The following TRAF3 variants were observed in gnomAD, a reference collection of about 807,000 sequenced individuals.
TRAF3 encodes TNF receptor associated factor 3, also known as TNF receptor-associated factor 3.
In TRAF3, 13 loss-of-function variants were observed where a neutral mutation model predicts 62.3. The ratio of observed to expected loss-of-function variants is 0.21; its 90% confidence interval spans 0.14 to 0.33. The LOEUF is 0.33. Ranked by LOEUF, TRAF3 falls within the 10% of genes least tolerant of loss-of-function variation. The probability of loss-of-function intolerance (pLI) is 1.00; values close to 1 mark genes in which losing one functional copy is unlikely to be tolerated. For synonymous variants in TRAF3, 269 were observed against 283.4 expected, an observed-to-expected ratio of 0.95 and a Z score of 0.51; for missense variants, 440 against 741.8, an observed-to-expected ratio of 0.59 and a Z score of 4.73.
chr14:102,868,064 G>A (rs567736956), intron 2 of TRAF3, among the ~76,000 whole-genome samples: 1 of 152,320 alleles, frequency 6.6e-6, no homozygotes, highest in Non-Finnish European at 1.5e-5. Context: ...CGCCCACCCA[G>A]CAACTACCTC....
intron 1 of TRAF3, among the ~76,000 whole-genome samples, chr14:102,806,749 G>A (rs1472451775): frequency 6.6e-6 from 1 of 152,110 alleles, no homozygotes; most frequent in African/African-American, 2.4e-5. Context: ...CAGGGCTGGG[G>A]GGAGGTCAAG....
At chr14:102,827,605 T>G (rs555128438) in intron 1 of TRAF3, among the ~76,000 whole-genome samples, 5 of 152,286 alleles carry the variant, frequency 3.3e-5, no homozygotes, top group African/African-American at 9.6e-5. Flanking sequence ...TCAGAAAGTT[T>G]CGGATTTTGG....
intron 1 of TRAF3, among the ~76,000 whole-genome samples, chr14:102,830,089 G>A (rs1359709711): frequency 1.3e-5 from 2 of 152,224 alleles, no homozygotes; most frequent in Non-Finnish European, 2.9e-5. Flanking sequence ...GCCTGAGGTC[G>A]GAAGGTTGGA....
chr14:102,778,816 G>A (rs573589618), intron 1 of TRAF3, among the ~76,000 whole-genome samples: 8 of 152,244 alleles, frequency 5.3e-5, no homozygotes, highest in African/African-American at 1.9e-4. Context: ...TTACTGTAGG[G>A]AATGGCCAAG....
chr14:102,848,094 A>C (rs901875016), intron 2 of TRAF3, among the ~76,000 whole-genome samples: 1 of 152,148 alleles, frequency 6.6e-6, no homozygotes, highest in Non-Finnish European at 1.5e-5. Context: ...GGAGTATTGC[A>C]TTTTTTGATA....
chr14:102,897,302 C>T lies in TRAF3; in HGVS notation c.861C>T (p.Ser287=), dbSNP rs1296895293. The change falls in exon 10 of 12, where the codon AGC becomes AGT. Residue 287 remains serine, a synonymous_variant. Transcript: ENST00000392745. ...LQNESVEKNK[S]IQSLHNQICS... ...ATGAAAGTGTAGAAAAAAACAAGAGCATACAAAGTTTGCACAATCAGATAT... is the reference window on the plus strand; with the variant it reads ...ATGAAAGTGTAGAAAAAAACAAGAGTATACAAAGTTTGCACAATCAGATAT... The T allele has an allele frequency of 6.2e-7, 1 of 1,613,592 alleles. No individual in the cohort carries two copies. The highest frequency in any genetic ancestry group is 1.3e-5 in the African/African-American group (1 of 74,888).
intron 4 of TRAF3, among the ~76,000 whole-genome samples, chr14:102,874,337 A>G (rs1595382920): frequency 6.6e-6 from 1 of 151,512 alleles, no homozygotes; most frequent in Non-Finnish European, 1.5e-5. Flanking sequence ...GCTCACTGCA[A>G]CCTCCTCCTC....
chr14:102,900,110 C>T (rs1254564098), intron 10 of TRAF3, among the ~76,000 whole-genome samples: 3 of 134,788 alleles, frequency 2.2e-5, no homozygotes, highest in Admixed American at 8.4e-5. Flanking sequence ...ACCCGGGAGG[C>T]GGAACTTGCA....
intron 1 of TRAF3, among the ~76,000 whole-genome samples, chr14:102,814,571 G>A (rs1279314491): frequency 1.3e-5 from 2 of 152,132 alleles, no homozygotes; most frequent in Non-Finnish European, 2.9e-5. Context: ...CTAGGCTGGA[G>A]TGCAGTGGCA....
Position 102,831,345 on chromosome 14 carries a change from C to G in TRAF3, c.-18+873C>G, listed in dbSNP as rs556909770. On this transcript the variant is annotated intron_variant, in intron 2 of 11. Transcript: ENST00000392745. The stretch of plus-strand genomic sequence containing the variant: ...CACAGTGAGCAGGGCATTGACATAA[C>G]AAGGTGACTTCTGTTTTCTGAGTAA... Among the ~76,000 whole-genome samples the G allele has an allele frequency of 5.3e-5, 8 of 152,358 alleles. No homozygotes were observed. The South Asian group carries it at 1.7e-3, about 32-fold the overall frequency.
chr14:102,910,284 TATTAGACTGCA>T lies in TRAF3; in HGVS notation c.*4501_*4511del, dbSNP rs1340775708. On this transcript the variant is annotated 3_prime_UTR_variant, in exon 12 of 12. Coordinates refer to ENST00000392745, the MANE Select transcript of TRAF3 (RefSeq NM_145725.3). The stretch of plus-strand genomic sequence containing the variant: ...AAAAATTTTAGTCCAGATCTTTACT[TATTAGACTGCA>T]GAAGGAGAGCTAGGGAGAGTGGGGG... 1.3e-5 allele frequency: 2 copies of T among 152,356 alleles called. No individual in the cohort carries two copies. The highest frequency in any genetic ancestry group is 2.9e-5 in the Non-Finnish European group (2 of 68,042). 9.4% of individuals were successfully genotyped at this position (152,356 alleles called of 1,614,324 possible). A position where few individuals can be genotyped will look rare whatever the true frequency, so the allele number is the denominator to read the frequency against.
rs542632099 is a variant in TRAF3, at chr14:102,818,009, G to A, written c.-156-12325G>A. 2.0e-5 allele frequency among the ~76,000 whole-genome samples: 3 copies of A among 152,286 alleles called. No individual in the cohort carries two copies. The East Asian group carries it at 5.8e-4, about 29-fold the overall frequency. ...TGGGAAGGCTGGAGAGGGGTGGGGA[G>A]CTGCGGGGTGTCTGGAGGCAGTATG... is the stretch of plus-strand genomic sequence containing the variant. On this transcript the variant is annotated intron_variant, in intron 1 of 11. Transcript: ENST00000392745.
At chr14:102,832,571 G>T (rs529743167) in intron 2 of TRAF3, among the ~76,000 whole-genome samples, 136 of 152,302 alleles carry the variant, frequency 8.9e-4, no homozygotes, top group Non-Finnish European at 1.3e-3. Flanking sequence ...CTACTTGGGA[G>T]GCTGAGGCAG....
intron 2 of TRAF3, among the ~76,000 whole-genome samples, chr14:102,849,637 G>C (rs574976680): frequency 6.6e-6 from 1 of 152,154 alleles, no homozygotes; most frequent in African/African-American, 2.4e-5. Context: ...TGTCCTAAGG[G>C]GGCTTTTCAT....
intron 1 of TRAF3, among the ~76,000 whole-genome samples, chr14:102,790,662 C>G (rs376702737): frequency 6.6e-6 from 1 of 152,090 alleles, no homozygotes; most frequent in Non-Finnish European, 1.5e-5. Flanking sequence ...GTTACCTCCC[C>G]CTGGGTTCCT....
chr14:102,892,118 C>T (rs892309948), intron 9 of TRAF3, among the ~76,000 whole-genome samples: 3 of 148,248 alleles, frequency 2.0e-5, no homozygotes, highest in Non-Finnish European at 3.0e-5. Context: ...TGCAGTGGTG[C>T]GATCTTGGCT....
chr14:102,837,368 G>A (rs1886089483), intron 2 of TRAF3, among the ~76,000 whole-genome samples: 1 of 152,010 alleles, frequency 6.6e-6, no homozygotes, highest in African/African-American at 2.4e-5. Flanking sequence ...TGAACTCCTG[G>A]CCTCAAGTGA....
At chr14:102,841,356 C>G (rs995778273) in intron 2 of TRAF3, among the ~76,000 whole-genome samples, 6 of 152,172 alleles carry the variant, frequency 3.9e-5, no homozygotes, top group African/African-American at 1.2e-4. Context: ...GGAGAACCAC[C>G]AAAAAGGAGA....
At chr14:102,809,198 G>A (rs1422437967) in intron 1 of TRAF3, 12 of 152,274 alleles carry the variant, frequency 7.9e-5, no homozygotes, top group Non-Finnish European at 1.8e-4. Context: ...GTGTTAGCCA[G>A]GATGGTCTTA....
Sources: gnomAD v4.1 joint callset for allele counts (sites outside exome capture counted in the v4.1 genomes callset) on GRCh38, gnomAD v4.1.1 for gene constraint, MANE v1.5 for transcripts, NCBI Gene and HGNC (gene_info 2026-07-23, HGNC 2026-07-21) for gene names.